NMRAL1: variants seen among roughly 807,000 people sequenced by gnomAD.
NMRAL1 encodes nmrA-like family domain-containing protein 1.
In NMRAL1, 32 loss-of-function variants were observed where a neutral mutation model predicts 27.5. That is an observed-to-expected ratio of 1.16 (90% CI 0.88 to 1.56). NMRAL1 has a LOEUF of 1.56. NMRAL1 is among the 40% of genes most tolerant of loss of function. The pLI is 0.00. For missense variants in NMRAL1, 420 were observed against 392.0 expected, an observed-to-expected ratio of 1.07 and a Z score of -0.60; for synonymous variants, 166 against 166.8, an observed-to-expected ratio of 1.00 and a Z score of 0.04.
chr16:4,466,070 G>A (rs1272909551), intron 4 of NMRAL1, 83 bp downstream of exon 4: 7 of 1,542,740 alleles, frequency 4.5e-6, no homozygotes, highest in South Asian at 3.6e-5. Context: ...CTGGCACCAC[G>A]TGACAGCGGC....
At chr16:4,473,851 G>A (rs2057703333) in intron 2 of NMRAL1, among the ~76,000 whole-genome samples, 1 of 152,048 alleles carries the variant, frequency 6.6e-6, no homozygotes, top group African/African-American at 2.4e-5. Flanking sequence ...GCTTCAACCC[G>A]GGAGGCAAAG....
At chr16:4,473,249 T>C (rs761768830) in intron 2 of NMRAL1, among the ~76,000 whole-genome samples, 1 of 152,094 alleles carries the variant, frequency 6.6e-6, no homozygotes, top group Non-Finnish European at 1.5e-5. Context: ...GATTACAGGG[T>C]TGAGCCACTG....
intron 3 of NMRAL1, among the ~76,000 whole-genome samples, chr16:4,468,135 A>G (rs1052706797): frequency 2.6e-5 from 4 of 151,580 alleles, no homozygotes; most frequent in African/African-American, 7.3e-5. Context: ...CCCCGTCTGT[A>G]CTAAAAATAC....
chr16:4,471,114 A>C (rs2057550486), intron 2 of NMRAL1, among the ~76,000 whole-genome samples: 1 of 152,120 alleles, frequency 6.6e-6, no homozygotes, highest in Non-Finnish European at 1.5e-5. Flanking sequence ...CTCAAAACAA[A>C]AGAAAAAACC....
intron 5 of NMRAL1, among the ~76,000 whole-genome samples, chr16:4,462,751 C>G (rs911940616): frequency 3.3e-5 from 5 of 152,086 alleles, no homozygotes; most frequent in African/African-American, 1.2e-4. Flanking sequence ...GTCTCGATTT[C>G]CTGACCTTGT....
chr16:4,474,373 C>T (rs56235717), intron 1 of NMRAL1, 181 bp downstream of exon 1: 32,285 of 499,488 alleles, frequency 0.065, 2,886 homozygotes, highest in African/African-American at 0.3. Context: ...CCCGCCTCCC[C>T]CGGTTCCAGT....
chr16:4,468,058 G>A (rs1212087238), intron 3 of NMRAL1, among the ~76,000 whole-genome samples: 1 of 152,036 alleles, frequency 6.6e-6, no homozygotes, highest in Non-Finnish European at 1.5e-5. Context: ...CCAGCACTTT[G>A]GGAGGCCGAG....
At chr16:4,472,065 A>C (rs2057586335) in intron 2 of NMRAL1, among the ~76,000 whole-genome samples, 2 of 152,006 alleles carry the variant, frequency 1.3e-5, no homozygotes, top group Non-Finnish European at 2.9e-5. Flanking sequence ...ACAGAGCAAG[A>C]CCCTGACTCA....
chr16:4,463,535 T>A (rs528195854), intron 5 of NMRAL1, 125 bp downstream of exon 5: 4 of 752,506 alleles, frequency 5.3e-6, no homozygotes, highest in African/African-American at 1.8e-5. Context: ...AAAATAAACG[T>A]TGACGATGAA....
intron 2 of NMRAL1, among the ~76,000 whole-genome samples, chr16:4,473,347 A>G (rs1185203078): frequency 3.9e-5 from 6 of 152,208 alleles, no homozygotes; most frequent in African/African-American, 1.4e-4. Context: ...AATACACTAG[A>G]AACCAGTGAG....
chr16:4,474,483 G>A (rs1306967004), intron 1 of NMRAL1, 71 bp downstream of exon 1: 1 of 278,682 alleles, frequency 3.6e-6, no homozygotes, highest in Non-Finnish European at 7.0e-6. Flanking sequence ...TTCTGCGGCC[G>A]AGTCCACTGC....
intron 5 of NMRAL1, among the ~76,000 whole-genome samples, 197 bp from the exon 6 acceptor site, chr16:4,462,156 T>C (rs2057137099): frequency 6.6e-6 from 1 of 152,226 alleles, no homozygotes; most frequent in South Asian, 2.1e-4. Flanking sequence ...GCTGCTCTCC[T>C]GAGCTGCCTG....
intron 5 of NMRAL1, 78 bp from the exon 6 acceptor site, chr16:4,462,037 T>C (rs1019316617): frequency 2.6e-5 from 33 of 1,268,790 alleles, no homozygotes; most frequent in Non-Finnish European, 2.6e-5. Flanking sequence ...CCGGATGGGC[T>C]GGGGTCTCCC....
chr16:4,463,743 C>G lies in NMRAL1; in HGVS notation c.637G>C (p.Gly213Arg). Reference sequence around the variant, plus strand: ...GCCGTGTGCCTGCAAGTGCTCAGCCCGATGTTCTGGCCGACGTATTTTTCT... The same window carrying G: ...GCCGTGTGCCTGCAAGTGCTCAGCCGGATGTTCTGGCCGACGTATTTTTCT... ...MPEKYVGQNI[G>R]LSTCRHTAEE... The change falls in exon 5 of 6, where the codon GGG (glycine) becomes CGG (arginine). Residue 213 changes from glycine to arginine, a missense_variant. Physicochemically the swap from Gly to Arg is moderately radical, Grantham distance 125. Coordinates refer to ENST00000283429, the MANE Select transcript of NMRAL1 (RefSeq NM_020677.6). 2 of 1,613,986 alleles carry G rather than the reference C, an allele frequency of 1.2e-6. No homozygotes were observed. Among genetic ancestry groups the G allele is most frequent in the Non-Finnish European group, 1.7e-6 (2 of 1,180,006 alleles).
At chr16:4,475,753 C>A (rs2057805405), upstream of NMRAL1, among the ~76,000 whole-genome samples, 1 of 151,856 alleles carries the variant, frequency 6.6e-6, no homozygotes, top group Non-Finnish European at 1.5e-5. Context: ...GCCTGGCCAA[C>A]ATGGTGAAAC....
chr16:4,473,157 C>T (rs889724676), intron 2 of NMRAL1, among the ~76,000 whole-genome samples: 2 of 151,702 alleles, frequency 1.3e-5, no homozygotes, highest in African/African-American at 2.4e-5. Context: ...TTTGTAGAGA[C>T]GAGATTTTGC....
rs77934295 is a variant in NMRAL1 at position 4,469,448 on chromosome 16, C to A, written c.58G>T (p.Val20Leu). The change falls in exon 3 of 6, where the codon GTG (valine) becomes TTG (leucine). Residue 20 changes from valine (V) to leucine (L), a missense_variant. Transcript: ENST00000283429. ...CCATCTTCCAGGAGTGTGCGGGCCA[C>A]GGAGCCACCCTGGGCACCTACAAAG... is the stretch of plus-strand genomic sequence containing the variant. ...FGGTGAQGGS[V>L]ARTLLEDGTF... 6.2e-7 allele frequency: 1 copy of A among 1,613,816 alleles called. No homozygotes were observed. Among genetic ancestry groups the A allele is most frequent in the Non-Finnish European group, 8.5e-7 (1 of 1,179,854 alleles).
rs374514555 is a variant in NMRAL1, at chr16:4,464,867, C to T, written c.530-1017G>A. Reference sequence around the variant, plus strand: ...CCTGAACCTCGTGATCCGCCCTCCTCGGCCTCCCAAAGTGCTGGGATTACA... The same window carrying T: ...CCTGAACCTCGTGATCCGCCCTCCTTGGCCTCCCAAAGTGCTGGGATTACA... On this transcript the variant is annotated intron_variant, in intron 4 of 5. Transcript: ENST00000283429. 1.0e-3 allele frequency among the ~76,000 whole-genome samples: 158 copies of T among 151,896 alleles called. 2 individuals are homozygous for T. In the South Asian group the frequency reaches 0.03, roughly 29 times the overall value.
chr16:4,475,449 A>C (rs999023391), upstream of NMRAL1, among the ~76,000 whole-genome samples: 1 of 151,738 alleles, frequency 6.6e-6, no homozygotes, highest in African/African-American at 2.4e-5. Flanking sequence ...CTGGGATTAC[A>C]GGCAGGAGCC....
Sources: gnomAD v4.1 joint callset for allele counts (sites outside exome capture counted in the v4.1 genomes callset) on GRCh38, gnomAD v4.1.1 for gene constraint, MANE v1.5 for transcripts, NCBI Gene and HGNC (gene_info 2026-07-23, HGNC 2026-07-21) for gene names.